The following SNTG1 variants were observed in gnomAD, a reference collection of about 807,000 sequenced individuals.
SNTG1 encodes the protein syntrophin gamma 1.
A neutral mutation model predicts 74.7 loss-of-function variants in SNTG1; 39 were observed. The ratio of observed to expected loss-of-function variants is 0.52; its 90% confidence interval spans 0.40 to 0.68. SNTG1 has a LOEUF of 0.68. Ranked by LOEUF, SNTG1 falls within the 30% of genes least tolerant of loss-of-function variation. The probability of loss-of-function intolerance (pLI) is 0.00; values close to 1 mark genes in which losing one functional copy is unlikely to be tolerated. For missense variants in SNTG1, 685 were observed against 609.5 expected, an observed-to-expected ratio of 1.12 and a Z score of -1.30; for synonymous variants, 254 against 217.1, an observed-to-expected ratio of 1.17 and a Z score of -1.49.
intron 1 of SNTG1, among the ~76,000 whole-genome samples, chr8:50,131,006 A>T (rs991097737): frequency 6.6e-6 from 1 of 152,130 alleles, no homozygotes; most frequent in African/African-American, 2.4e-5. Context: ...TATAAAAATA[A>T]TATAGACCAT....
intron 1 of SNTG1, among the ~76,000 whole-genome samples, chr8:49,923,730 G>T (rs530039910): frequency 6.6e-6 from 1 of 152,092 alleles, no homozygotes; most frequent in Non-Finnish European, 1.5e-5. Context: ...GGCATCTGAT[G>T]AGTTACTTAG....
intron 1 of SNTG1, among the ~76,000 whole-genome samples, chr8:50,072,032 G>A (rs1193823536): frequency 6.6e-6 from 1 of 152,188 alleles, no homozygotes; most frequent in Non-Finnish European, 1.5e-5. Context: ...ACCCCCCAGT[G>A]TGATTGGTAC....
In SNTG1 at chr8:50,312,227, T is replaced by C. The variant is rs554701475; in HGVS notation, c.-27-81985T>C. ...AATATTATCTGGGATTTCAGTGATA[T>C]TGTAAAATATTAAACCAACAAATGC... On this transcript the variant is annotated intron_variant, in intron 2 of 18. Coordinates refer to ENST00000642720, the MANE Select transcript of SNTG1 (RefSeq NM_018967.5). Among the ~76,000 whole-genome samples, 11 of 152,258 alleles carry C rather than the reference T, an allele frequency of 7.2e-5. No individual in the cohort carries two copies. The South Asian group carries it at 1.5e-3, about 20-fold the overall frequency.
intron 2 of SNTG1, among the ~76,000 whole-genome samples, chr8:50,266,670 G>A (rs371330796): frequency 0.16 from 10,768 of 66,898 alleles, 598 homozygotes; most frequent in East Asian, 0.28. Flanking sequence ...GTGTGTGTGT[G>A]TGTGTGTGTG....
At chr8:49,957,530 G>C (rs543280884) in intron 1 of SNTG1, among the ~76,000 whole-genome samples, 55 of 152,282 alleles carry the variant, frequency 3.6e-4, no homozygotes, top group African/African-American at 1.2e-3. Context: ...CACCAGATGA[G>C]TGACAAGCAG....
At chr8:50,610,661 A>G (rs1482358046) in intron 13 of SNTG1, among the ~76,000 whole-genome samples, 3 of 152,124 alleles carry the variant, frequency 2.0e-5, no homozygotes, top group African/African-American at 4.8e-5. Flanking sequence ...ATTCCATGCC[A>G]TCAGATATCA....
Position 50,122,291 on chromosome 8 carries a change from T to A in SNTG1, c.-102-50270T>A, listed in dbSNP as rs1306458609. 1.4e-5 allele frequency among the ~76,000 whole-genome samples: 2 copies of A among 142,228 alleles called. 1 individual carries two copies. Among genetic ancestry groups the A allele is most frequent in the Non-Finnish European group, 3.1e-5 (2 of 63,916 alleles). The allele number at this position is 142,228 out of a possible 152,430, so 93.3% of individuals were successfully genotyped here. On this transcript the variant is annotated intron_variant, in intron 1 of 18. Transcript: ENST00000642720. ...AATAGTAAAATGGGTAAATAACTAC[T>A]CCCTTATTCCCAGCAGAAGACTTCA... is the stretch of plus-strand genomic sequence containing the variant.
intron 1 of SNTG1, among the ~76,000 whole-genome samples, chr8:49,956,201 G>A (rs898303006): frequency 3.3e-5 from 5 of 152,118 alleles, no homozygotes; most frequent in Admixed American, 2.6e-4. Context: ...GTAATTTTAG[G>A]TTCTGCAAAG....
chr8:49,928,607 G>A (rs1239144941), intron 1 of SNTG1, among the ~76,000 whole-genome samples: 1 of 152,106 alleles, frequency 6.6e-6, no homozygotes, highest in Non-Finnish European at 1.5e-5. Flanking sequence ...GGTTGTGGGT[G>A]TGGCAGCGCA....
intron 1 of SNTG1, among the ~76,000 whole-genome samples, chr8:50,007,895 A>G (rs1479126974): frequency 6.6e-6 from 1 of 152,170 alleles, no homozygotes; most frequent in Non-Finnish European, 1.5e-5. Flanking sequence ...GTGGGAGGCA[A>G]AGGAGAAGTA....
intron 1 of SNTG1, among the ~76,000 whole-genome samples, chr8:49,964,086 G>C (rs908981674): frequency 6.6e-6 from 1 of 152,192 alleles, no homozygotes; most frequent in Non-Finnish European, 1.5e-5. Flanking sequence ...GTGTCAACTT[G>C]TCTAGGCCAC....
At chr8:50,422,828 G>A (rs1296136181) in intron 4 of SNTG1, among the ~76,000 whole-genome samples, 3 of 152,304 alleles carry the variant, frequency 2.0e-5, no homozygotes, top group Non-Finnish European at 2.9e-5. Flanking sequence ...TTACTAGAAT[G>A]CAGGCTCCTC....
At chr8:50,474,943 T>G (rs763403649) in intron 8 of SNTG1, among the ~76,000 whole-genome samples, 51 of 151,924 alleles carry the variant, frequency 3.4e-4, no homozygotes, top group Non-Finnish European at 5.4e-4. Flanking sequence ...TGGATAAAGC[T>G]GGAAACCATC....
intron 2 of SNTG1, among the ~76,000 whole-genome samples, chr8:50,295,055 A>G (rs1563858056): frequency 1.3e-5 from 2 of 152,210 alleles, no homozygotes; most frequent in East Asian, 1.9e-4. Context: ...TGTACATAGT[A>G]TATACCTATG....
chr8:49,997,045 C>T (rs1162632618), intron 1 of SNTG1, among the ~76,000 whole-genome samples: 3 of 152,070 alleles, frequency 2.0e-5, no homozygotes, highest in Admixed American at 6.6e-5. Context: ...AAAAGGGAGC[C>T]TTCTGTGAGC....
chr8:50,553,396 C>T (rs202094213), intron 12 of SNTG1, among the ~76,000 whole-genome samples: 1 of 152,090 alleles, frequency 6.6e-6, no homozygotes, highest in Non-Finnish European at 1.5e-5. Flanking sequence ...GCATTATAAA[C>T]CCCTACATTA....
intron 8 of SNTG1, among the ~76,000 whole-genome samples, chr8:50,453,828 T>G (rs1159292631): frequency 6.6e-6 from 1 of 152,074 alleles, no homozygotes; most frequent in African/African-American, 2.4e-5. Flanking sequence ...TGATGGGCCC[T>G]GGGGGGTCAC....
chr8:50,634,457 C>T (rs971989362), intron 13 of SNTG1, among the ~76,000 whole-genome samples: 1 of 152,080 alleles, frequency 6.6e-6, no homozygotes, highest in African/African-American at 2.4e-5. Flanking sequence ...AACCACCTTG[C>T]TTTATCTTAT....
At chr8:50,433,482 T>TG (rs2093265324) in intron 4 of SNTG1, among the ~76,000 whole-genome samples, 1 of 128,054 alleles carries the variant, frequency 7.8e-6, no homozygotes, top group African/African-American at 4.9e-5. Context: ...GTTTTCTGTT[T>TG]TTTTTTTTTT....
Sources: gnomAD v4.1 joint callset for allele counts (sites outside exome capture counted in the v4.1 genomes callset) on GRCh38, gnomAD v4.1.1 for gene constraint, MANE v1.5 for transcripts, NCBI Gene and HGNC (gene_info 2026-07-23, HGNC 2026-07-21) for gene names.